The following DLG2 variants were observed in gnomAD, a reference collection of about 807,000 sequenced individuals.
The protein encoded by DLG2 is discs large MAGUK scaffold protein 2.
Under a neutral mutation model 132.5 loss-of-function variants are expected in DLG2, and 45 were observed. The observed-to-expected ratio is 0.34, with a 90% CI of 0.27 to 0.44. The LOEUF (loss-of-function observed/expected upper bound fraction) is 0.44. DLG2 is among the 20% of genes least tolerant of loss of function. DLG2 has a pLI of 1.00. For synonymous variants in DLG2, 424 were observed against 419.6 expected (o/e 1.01, Z -0.13); for missense variants, 1,045 against 1,196.9 (o/e 0.87, Z 1.87).
rs538661048 is a variant in DLG2, at chr11:83,516,753, G to C, written c.2193+15955C>G. 1.3e-4 allele frequency among the ~76,000 whole-genome samples: 20 copies of C among 152,280 alleles called. No individual in the cohort carries two copies. In the East Asian group the frequency reaches 3.7e-3, roughly 28 times the overall value. ...AAAATCTCTCAGCATTTGCTTGTCT[G>C]TAAAGTATTTTATTTCTCCTTCACT... On this transcript the variant is annotated intron_variant, in intron 21 of 27. Coordinates refer to ENST00000376104, the MANE Select transcript of DLG2 (RefSeq NM_001142699.3).
chr11:83,752,353 C>T (rs2153737826), intron 18 of DLG2, among the ~76,000 whole-genome samples: 1 of 152,040 alleles, frequency 6.6e-6, no homozygotes, highest in South Asian at 2.1e-4. Flanking sequence ...CCTTCCCTCC[C>T]CATTCCAAAA....
At position 85,207,806 on chromosome 11, in the gene DLG2, C is replaced by T. The variant is rs369067936; in HGVS notation, c.187-53155G>A. ...ATCACATTGTGTGCAGACTGTTTCA[C>T]CCACTCATCTATCTCTCCAGCCTCC... On this transcript the variant is annotated intron_variant, in intron 4 of 27. Transcript: ENST00000376104. Among the ~76,000 whole-genome samples the T allele has an allele frequency of 6.4e-4, 97 of 151,946 alleles. 1 individual carries two copies. Among genetic ancestry groups the T allele is most frequent in the African/African-American group, 2.3e-3 (94 of 41,430 alleles).
intron 6 of DLG2, among the ~76,000 whole-genome samples, chr11:84,870,223 G>A (rs950948242): frequency 6.6e-6 from 1 of 152,156 alleles, no homozygotes; most frequent in Non-Finnish European, 1.5e-5. Context: ...CACCCAAAGA[G>A]AATAGATAAA....
chr11:83,735,229 G>A (rs891718338), intron 18 of DLG2, among the ~76,000 whole-genome samples: 2 of 152,154 alleles, frequency 1.3e-5, no homozygotes, highest in Admixed American at 6.5e-5. Flanking sequence ...TCATAGGTAC[G>A]TATTTTAAAA....
At chr11:85,484,507 A>G (rs892886116) in intron 3 of DLG2, among the ~76,000 whole-genome samples, 3 of 151,194 alleles carry the variant, frequency 2.0e-5, no homozygotes, top group Non-Finnish European at 3.0e-5. Flanking sequence ...ATTTACAAGA[A>G]AAAAACAAAC....
chr11:85,043,043 C>T (rs552927067), intron 6 of DLG2, among the ~76,000 whole-genome samples: 2 of 151,912 alleles, frequency 1.3e-5, no homozygotes, highest in Non-Finnish European at 2.9e-5. Context: ...GACATTACAT[C>T]GTCAGCCTTT....
intron 7 of DLG2, chr11:84,317,248 G>GT (rs2098369906): frequency 2.7e-6 from 4 of 1,506,226 alleles, no homozygotes; most frequent in Non-Finnish European, 3.5e-6. Flanking sequence ...TTTTTCCACC[G>GT]TGGATTCCTC....
chr11:85,362,338 T>C (rs950707268), intron 3 of DLG2, among the ~76,000 whole-genome samples: 1 of 152,194 alleles, frequency 6.6e-6, no homozygotes, highest in Admixed American at 6.5e-5. Flanking sequence ...GTTTTGTTTG[T>C]TTGTTTGTTG....
chr11:85,191,555 C>A (rs1331300611), intron 4 of DLG2, among the ~76,000 whole-genome samples: 2 of 152,098 alleles, frequency 1.3e-5, no homozygotes, highest in East Asian at 3.9e-4. Context: ...AATCCATATC[C>A]CATCACTAAT....
intron 7 of DLG2, among the ~76,000 whole-genome samples, chr11:84,479,409 C>T (rs1052269667): frequency 6.6e-6 from 1 of 152,006 alleles, no homozygotes; most frequent in African/African-American, 2.4e-5. Context: ...TTCCATCTTA[C>T]TCTTGTTCAG....
chr11:84,510,540 ATT>A (rs1359973466), intron 7 of DLG2, among the ~76,000 whole-genome samples: 1 of 152,086 alleles, frequency 6.6e-6, no homozygotes, highest in East Asian at 1.9e-4. Flanking sequence ...AATATAGTTT[ATT>A]TTTTTCATTT....
intron 3 of DLG2, among the ~76,000 whole-genome samples, chr11:85,525,584 T>C (rs75963168): frequency 1.3e-5 from 2 of 152,168 alleles, no homozygotes; most frequent in Non-Finnish European, 2.9e-5. Flanking sequence ...GAGTAACAGA[T>C]ACAAAATTTA....
intron 6 of DLG2, among the ~76,000 whole-genome samples, chr11:85,012,826 AT>A (rs2059260592): frequency 1.3e-5 from 2 of 152,172 alleles, no homozygotes; most frequent in Non-Finnish European, 2.9e-5. Flanking sequence ...ATTTTGGAGT[AT>A]AAAAAACTTG....
Position 83,458,336 on chromosome 11 carries a change from A to G in DLG2, c.*1482T>C, listed in dbSNP as rs1245098696. The stretch of plus-strand genomic sequence containing the variant: ...TTTCTTTTTTTAAATCATCGTTATT[A>G]TAATTGTTAAAAAATAAACTTGGTC... On this transcript the variant is annotated 3_prime_UTR_variant, in exon 28 of 28. Transcript: ENST00000376104. The G allele has an allele frequency of 6.9e-6, 1 of 144,782 alleles. No homozygotes were observed. Among genetic ancestry groups the G allele is most frequent in the Non-Finnish European group, 1.6e-5 (1 of 63,370 alleles). The allele number at this position is 144,782 out of a possible 1,614,324, so 9.0% of individuals were successfully genotyped here. A position where few individuals can be genotyped will look rare whatever the true frequency, so the allele number is the denominator to read the frequency against.
intron 4 of DLG2, among the ~76,000 whole-genome samples, chr11:85,235,338 T>C (rs1468425673): frequency 6.6e-6 from 1 of 151,950 alleles, no homozygotes; most frequent in Non-Finnish European, 1.5e-5. Flanking sequence ...ATTGGGATAT[T>C]GTATGCCTAT....
At chr11:83,889,423 G>C (rs1011937112) in intron 15 of DLG2, among the ~76,000 whole-genome samples, 5 of 149,846 alleles carry the variant, frequency 3.3e-5, no homozygotes, top group Admixed American at 6.6e-5. Context: ...TCTCACACCA[G>C]TTAGAATGCC....
At chr11:85,031,561 C>A (rs1362776237) in intron 6 of DLG2, among the ~76,000 whole-genome samples, 2 of 151,972 alleles carry the variant, frequency 1.3e-5, no homozygotes, top group African/African-American at 4.8e-5. Flanking sequence ...GTGTAGGAAT[C>A]CCACCACATA....
chr11:83,882,037 A>C (rs1441683022), intron 15 of DLG2, among the ~76,000 whole-genome samples: 1 of 152,204 alleles, frequency 6.6e-6, no homozygotes, highest in Non-Finnish European at 1.5e-5. Flanking sequence ...ACCTACATTT[A>C]AAGAAATCCA....
intron 21 of DLG2, among the ~76,000 whole-genome samples, chr11:83,493,096 C>T (rs757022213): frequency 6.6e-6 from 1 of 152,062 alleles, no homozygotes; most frequent in Non-Finnish European, 1.5e-5. Flanking sequence ...GTCTTCCTGC[C>T]ACATTGGCCT....
Sources: gnomAD v4.1 joint callset for allele counts (sites outside exome capture counted in the v4.1 genomes callset) on GRCh38, gnomAD v4.1.1 for gene constraint, MANE v1.5 for transcripts, NCBI Gene and HGNC (gene_info 2026-07-23, HGNC 2026-07-21) for gene names.